Variants in FRMPD4 observed in about 807,000 individuals in gnomAD.
The protein encoded by FRMPD4 is FERM and PDZ domain-containing protein 4.
A neutral mutation model predicts 94.1 loss-of-function variants in FRMPD4; 22 were observed. The observed-to-expected ratio is 0.23, with a 90% CI of 0.17 to 0.33. The LOEUF (loss-of-function observed/expected upper bound fraction) is 0.33, where lower values mean the gene tolerates loss of function less well. FRMPD4 is among the 10% of genes least tolerant of loss of function. FRMPD4 has a pLI of 1.00. For synonymous variants in FRMPD4, 631 were observed against 548.6 expected, an observed-to-expected ratio of 1.15 and a Z score of -2.10; for missense variants, 1,111 against 1,339.9, an observed-to-expected ratio of 0.83 and a Z score of 2.67.
intron 1 of FRMPD4, among the ~76,000 whole-genome samples, chrX:12,214,549 A>ACTTTTTTTT (rs2056785599): frequency 8.9e-6 from 1 of 112,809 alleles, no homozygotes; most frequent in Non-Finnish European, 1.9e-5. Flanking sequence ...AAGAGACCTC[A>ACTTTTTTTT]AGGCAAAGAG....
At chrX:11,955,883 A>G (rs2054254682) in intron 3 of FRMPD4, among the ~76,000 whole-genome samples, 1 of 112,108 alleles carries the variant, frequency 8.9e-6, no homozygotes, top group Non-Finnish European at 1.9e-5. Context: ...TCCACAGATG[A>G]CAAAATTAAA....
intron 1 of FRMPD4, among the ~76,000 whole-genome samples, chrX:12,435,585 T>G (rs1013200323): frequency 9.0e-6 from 1 of 111,708 alleles, no homozygotes; most frequent in Non-Finnish European, 1.9e-5. Context: ...GAATAGAGGT[T>G]TGATGGTAGT....
intron 1 of FRMPD4, among the ~76,000 whole-genome samples, chrX:12,166,750 A>G (rs1343191440): frequency 1.8e-5 from 2 of 111,277 alleles, no homozygotes; most frequent in East Asian, 5.6e-4. Flanking sequence ...GTCTATTAAG[A>G]GATTCAACTT....
chrX:12,701,476 C>T (rs773955724), intron 9 of FRMPD4, among the ~76,000 whole-genome samples: 7 of 110,928 alleles, frequency 6.3e-5, no homozygotes, highest in Non-Finnish European at 1.3e-4. Context: ...AGTTTGTGCC[C>T]CTAATGAAGT....
Position 12,382,530 on chromosome X carries a change from G to GCATAGAGCAT in FRMPD4, c.42-116150_42-116149insCATAGAGCAT, listed in dbSNP as rs60602906. Among the ~76,000 whole-genome samples the GCATAGAGCAT allele has an allele frequency of 1.9e-3, 85 of 45,543 alleles. 1 individual carries two copies. Among genetic ancestry groups the GCATAGAGCAT allele is most frequent in the Admixed American group, 4.1e-3 (14 of 3,406 alleles). 39.5% of individuals were successfully genotyped at this position (45,543 alleles called of 115,157 possible). On this transcript the variant is annotated intron_variant, in intron 1 of 16. Coordinates refer to ENST00000675598, the MANE Select transcript of FRMPD4 (RefSeq NM_001368397.1). ...GCATAGCATAGCATAGCATAGCATA[G>GCATAGAGCAT]AGCATAGCATAGCATAGCATAGCAT...
intron 1 of FRMPD4, among the ~76,000 whole-genome samples, chrX:12,336,069 C>T (rs1020046638): frequency 2.1e-4 from 23 of 109,348 alleles, no homozygotes; most frequent in African/African-American, 7.3e-4. Context: ...TAGAAAATAA[C>T]TTTTCTAATT....
intron 12 of FRMPD4, 75 bp downstream of exon 12, chrX:12,706,990 G>A (rs2041888917): frequency 2.0e-6 from 1 of 508,060 alleles, no homozygotes; most frequent in Non-Finnish European, 3.2e-6. Flanking sequence ...GATGACAAAA[G>A]CAAATCAGCT....
chrX:12,179,676 A>G (rs868304220), intron 1 of FRMPD4, among the ~76,000 whole-genome samples: 3 of 111,832 alleles, frequency 2.7e-5, no homozygotes, highest in Middle Eastern at 4.7e-3. Flanking sequence ...GCAGAATGCA[A>G]TCTCACGTTT....
chrX:12,411,406 G>A (rs1401910285), intron 1 of FRMPD4, among the ~76,000 whole-genome samples: 1 of 112,226 alleles, frequency 8.9e-6, no homozygotes, highest in East Asian at 2.8e-4. Context: ...CTGTGTACCA[G>A]TAACTTTCCA....
chrX:12,258,526 G>T (rs1356213737), intron 1 of FRMPD4, among the ~76,000 whole-genome samples: 2 of 110,939 alleles, frequency 1.8e-5, no homozygotes, highest in Admixed American at 1.9e-4. Flanking sequence ...TCTCTATTCT[G>T]TGTAAGTTAC....
chrX:11,985,132 C>T (rs2054421027), intron 3 of FRMPD4, among the ~76,000 whole-genome samples: 1 of 111,595 alleles, frequency 9.0e-6, no homozygotes, highest in South Asian at 3.8e-4. Context: ...GAAAAAAGCA[C>T]CGTCATTAGA....
At chrX:11,875,869 A>ATTTTTTTTT (rs869076863) in intron 2 of FRMPD4, among the ~76,000 whole-genome samples, 4 of 57,266 alleles carry the variant, frequency 7.0e-5, no homozygotes, top group Non-Finnish European at 1.2e-4. Context: ...CCACTTGAGG[A>ATTTTTTTTT]TTTTTTTTTT....
In FRMPD4 at chrX:12,723,260, A is replaced by G. The variant is rs1379617060; in HGVS notation, c.*1402A>G. ...AAATAAAATCGATATGTATATATGT[A>G]TTTCCTGGGTCATTCAGTGCTCAAG... is the stretch of plus-strand genomic sequence containing the variant. On this transcript the variant is annotated 3_prime_UTR_variant, in exon 17 of 17. Transcript: ENST00000675598. The G allele has an allele frequency of 8.9e-6, 1 of 111,767 alleles. No homozygotes were observed. Among genetic ancestry groups the G allele is most frequent in the Non-Finnish European group, 1.9e-5 (1 of 53,167 alleles). 9.2% of individuals were successfully genotyped at this position (111,767 alleles called of 1,213,427 possible).
At chrX:12,008,591 A>T (rs1213646013) in intron 3 of FRMPD4, among the ~76,000 whole-genome samples, 1 of 112,650 alleles carries the variant, frequency 8.9e-6, no homozygotes, top group African/African-American at 3.2e-5. Context: ...TATGAAGGAA[A>T]ATGTAAGATC....
chrX:12,353,632 C>G (rs1338637380), intron 1 of FRMPD4, among the ~76,000 whole-genome samples: 1 of 112,335 alleles, frequency 8.9e-6, no homozygotes, highest in Non-Finnish European at 1.9e-5. Flanking sequence ...TGTTCATGCT[C>G]TTAAAGAGGT....
chrX:12,506,967 A>T lies in FRMPD4; in HGVS notation c.158+8171A>T, dbSNP rs558245592. Among the ~76,000 whole-genome samples, 5 of 112,328 alleles carry T rather than the reference A, an allele frequency of 4.5e-5. No homozygotes were observed. In the South Asian group the frequency reaches 1.5e-3, roughly 34 times the overall value. On this transcript the variant is annotated intron_variant, in intron 2 of 16. Transcript: ENST00000675598. ...TTCACTGTAAGTGGTTGGCTAATAC[A>T]GGGAAGTAACACAAGTAAGAAAGGA...
chrX:12,203,598 G>C (rs1569190352), intron 1 of FRMPD4, among the ~76,000 whole-genome samples: 1 of 112,060 alleles, frequency 8.9e-6, no homozygotes, highest in African/African-American at 3.2e-5. Context: ...TAGTGATACT[G>C]GGGAGAGTTT....
rs573402410 is a variant in FRMPD4, at chrX:12,718,620, C to T, written c.3794C>T (p.Ala1265Val). 8 of 1,208,696 alleles carry T rather than the reference C, an allele frequency of 6.6e-6. No homozygotes were observed. Among genetic ancestry groups the T allele is most frequent in the African/African-American group, 1.7e-5 (1 of 57,160 alleles). ...GVNYIPSEER[A>V]PGLPNHGATF... ...AATTACATTCCTTCAGAGGAGAGAG[C>T]CCCTGGGCTTCCCAACCACGGAGCC... The change falls in exon 16 of 17, where the codon GCC becomes GTC. Residue 1265 changes from alanine (A) to valine (V), a missense_variant. Coordinates refer to ENST00000675598, the MANE Select transcript of FRMPD4 (RefSeq NM_001368397.1).
At chrX:12,386,113 C>G (rs1188557115) in intron 1 of FRMPD4, among the ~76,000 whole-genome samples, 1 of 112,160 alleles carries the variant, frequency 8.9e-6, no homozygotes, top group Non-Finnish European at 1.9e-5. Context: ...AAAGAACACC[C>G]CTATCTGCCT....
Sources: gnomAD v4.1 joint callset for allele counts (sites outside exome capture counted in the v4.1 genomes callset) on GRCh38, gnomAD v4.1.1 for gene constraint, MANE v1.5 for transcripts, NCBI Gene and HGNC (gene_info 2026-07-23, HGNC 2026-07-21) for gene names.